The following SLCO6A1 variants were observed in gnomAD, a reference collection of about 807,000 sequenced individuals.
The protein encoded by SLCO6A1 is solute carrier organic anion transporter family member 6A1, also known as cancer/testis antigen 48.
SLCO6A1 carries 65 observed loss-of-function variants against 72.7 expected under a neutral mutation model. That is an observed-to-expected ratio of 0.89 (90% CI 0.73 to 1.10). The LOEUF is 1.10. Ranked by LOEUF, SLCO6A1 falls within the 50% of genes least tolerant of loss-of-function variation. SLCO6A1 has a pLI of 0.00. For missense variants in SLCO6A1, 874 were observed against 872.6 expected, an observed-to-expected ratio of 1.00 and a Z score of -0.02; for synonymous variants, 314 against 298.2, an observed-to-expected ratio of 1.05 and a Z score of -0.55.
At chr5:102,475,161 A>G (rs917630397) in intron 4 of SLCO6A1, among the ~76,000 whole-genome samples, 1 of 152,140 alleles carries the variant, frequency 6.6e-6, no homozygotes, top group Non-Finnish European at 1.5e-5. Flanking sequence ...CATTATTCAC[A>G]ATAGTAAAGA....
At chr5:102,457,704 G>A (rs1365597891) in intron 6 of SLCO6A1, among the ~76,000 whole-genome samples, 4 of 152,170 alleles carry the variant, frequency 2.6e-5, no homozygotes. Context: ...CGATTCCTCA[G>A]AGATCTAGAA....
intron 9 of SLCO6A1, among the ~76,000 whole-genome samples, chr5:102,406,376 A>G (rs1747666952): frequency 6.6e-6 from 1 of 152,140 alleles, no homozygotes; most frequent in Non-Finnish European, 1.5e-5. Flanking sequence ...GGAGACAAAA[A>G]GGGACATTTT....
In SLCO6A1 at chr5:102,458,444, CA is replaced by C. The variant is rs777416753; in HGVS notation, c.1068del (p.Phe356LeufsTer8). ...KARKRKQLHF[F>X]DSRLKDLKLG... is the part of the protein sequence containing the mutation. Reference sequence around the variant, plus strand: ...AGTTTCAGATCTTTAAGTCTGCTGTCAAAAAAATGAAGCTGTTTACGTTTCC... The same window carrying C: ...AGTTTCAGATCTTTAAGTCTGCTGTCAAAAAATGAAGCTGTTTACGTTTCC... On this transcript the variant is annotated frameshift_variant, in exon 6 of 14. Transcript: ENST00000506729. LOFTEE classifies it high-confidence loss of function. 12 of 1,612,436 alleles carry C rather than the reference CA, an allele frequency of 7.4e-6. No individual in the cohort carries two copies. The East Asian group carries it at 8.9e-5, about 12-fold the overall frequency.
chr5:102,403,364 T>C (rs1747501228), intron 9 of SLCO6A1, among the ~76,000 whole-genome samples: 1 of 152,098 alleles, frequency 6.6e-6, no homozygotes, highest in Non-Finnish European at 1.5e-5. Context: ...CTTTTCATTA[T>C]AAAAATAATT....
At chr5:102,390,773 T>C (rs75345510) in intron 11 of SLCO6A1, among the ~76,000 whole-genome samples, 252 of 152,248 alleles carry the variant, frequency 1.7e-3, no homozygotes, top group African/African-American at 5.7e-3. Flanking sequence ...ATAATATGCA[T>C]ATTTTATTTG....
At chr5:102,372,209 A>G (rs1359190391) in intron 13 of SLCO6A1, 86 bp from the exon 14 acceptor site, 1 of 152,056 alleles carries the variant, frequency 6.6e-6, no homozygotes. Context: ...TGCATGTTGA[A>G]ATAAAATATA....
At chr5:102,398,633 AATAGCAAC>A (rs1484524840) in intron 10 of SLCO6A1, among the ~76,000 whole-genome samples, 1 of 152,190 alleles carries the variant, frequency 6.6e-6, no homozygotes, top group Non-Finnish European at 1.5e-5. Context: ...GTGTACACAG[AATAGCAAC>A]ATTCATGTTA....
At chr5:102,479,992 C>G (rs113200800) in intron 2 of SLCO6A1, among the ~76,000 whole-genome samples, 185 bp downstream of exon 2, 3 of 152,294 alleles carry the variant, frequency 2.0e-5, no homozygotes, top group African/African-American at 7.2e-5. Context: ...TTAACTTCCT[C>G]TGTGATGACA....
chr5:102,387,967 C>T (rs1212356639), intron 12 of SLCO6A1, among the ~76,000 whole-genome samples: 2 of 152,146 alleles, frequency 1.3e-5, no homozygotes, highest in African/African-American at 4.8e-5. Context: ...TCTCAAGTCC[C>T]TATATCTCTT....
intron 6 of SLCO6A1, among the ~76,000 whole-genome samples, chr5:102,455,027 T>TATATATATATATATATATATACACATAA (rs144619414): frequency 3.5e-5 from 5 of 141,830 alleles, no homozygotes; most frequent in African/African-American, 1.4e-4. Context: ...TATATATATA[T>TATATATATATATATATATATACACATAA]AAATTATGTT....
chr5:102,430,738 A>G (rs1337033855), intron 7 of SLCO6A1, among the ~76,000 whole-genome samples: 1 of 152,052 alleles, frequency 6.6e-6, no homozygotes, highest in Non-Finnish European at 1.5e-5. Flanking sequence ...TCCATCAAGG[A>G]TATTGGCCTG....
At chr5:102,378,372 A>C (rs1024292080) in intron 12 of SLCO6A1, among the ~76,000 whole-genome samples, 1 of 152,114 alleles carries the variant, frequency 6.6e-6, no homozygotes, top group African/African-American at 2.4e-5. Context: ...AGCTCAAGCT[A>C]TCTGCCCAAC....
chr5:102,479,459 A>G (rs1554075911), intron 2 of SLCO6A1, among the ~76,000 whole-genome samples: 1 of 152,070 alleles, frequency 6.6e-6, no homozygotes, highest in Non-Finnish European at 1.5e-5. Flanking sequence ...ATAACTACAA[A>G]CCTTTCCTAA....
chr5:102,449,691 T>A (rs770210191), intron 6 of SLCO6A1, among the ~76,000 whole-genome samples: 22 of 152,158 alleles, frequency 1.4e-4, no homozygotes, highest in Non-Finnish European at 1.8e-4. Context: ...GATTTTTGTA[T>A]TGACCTCTCT....
intron 8 of SLCO6A1, 85 bp downstream of exon 8, chr5:102,419,741 G>GAAATTTAAACTGTACTTTATATTTCTT: frequency 9.5e-7 from 1 of 1,048,550 alleles, no homozygotes; most frequent in Non-Finnish European, 1.4e-6. Context: ...ACATATAAGG[G>GAAATTTAAACTGTACTTTATATTTCTT]TTACTGGATA....
chr5:102,464,112 T>TG lies in SLCO6A1; in HGVS notation c.900-4336dup, dbSNP rs1751193206. Among the ~76,000 whole-genome samples, 4 of 151,784 alleles carry TG rather than the reference T, an allele frequency of 2.6e-5. No homozygotes were observed. In the South Asian group the frequency reaches 8.3e-4, roughly 32 times the overall value. On this transcript the variant is annotated intron_variant, in intron 4 of 13. Coordinates refer to ENST00000506729, the MANE Select transcript of SLCO6A1 (RefSeq NM_173488.5). ...CAGTGTACACTTCTCAGGTGGTGGG[T>TG]GCACCAAAATCTCAGAAATAACCAC... is the stretch of plus-strand genomic sequence containing the variant.
chr5:102,408,406 G>C (rs1173953655), intron 9 of SLCO6A1, among the ~76,000 whole-genome samples: 1 of 152,030 alleles, frequency 6.6e-6, no homozygotes, highest in African/African-American at 2.4e-5. Context: ...AGGTTAAATA[G>C]CTAAGAATTT....
rs554505172 is a variant in SLCO6A1 at position 102,458,628 on chromosome 5, A to G, written c.1022-137T>C. 826 of 594,996 alleles carry G rather than the reference A, an allele frequency of 1.4e-3. 14 individuals carry two copies. In the South Asian group the frequency reaches 0.018, roughly 13 times the overall value. The allele number at this position is 594,996 out of a possible 1,614,324, so 36.9% of individuals were successfully genotyped here. A position where few individuals can be genotyped will look rare whatever the true frequency, so the allele number is the denominator to read the frequency against. On this transcript the variant is annotated intron_variant, in intron 5 of 13. Coordinates refer to ENST00000506729, the MANE Select transcript of SLCO6A1 (RefSeq NM_173488.5). ...GTTATTTTTGAACAAGCTAAACTCA[A>G]TCTCATTAATTAAAAGACACAATCT...
intron 12 of SLCO6A1, among the ~76,000 whole-genome samples, chr5:102,376,589 C>A: frequency 6.6e-6 from 1 of 151,946 alleles, no homozygotes; most frequent in Non-Finnish European, 1.5e-5. Flanking sequence ...ATTAACCAAC[C>A]TACAAATTTT....
Sources: gnomAD v4.1 joint callset for allele counts (sites outside exome capture counted in the v4.1 genomes callset) on GRCh38, gnomAD v4.1.1 for gene constraint, MANE v1.5 for transcripts, NCBI Gene and HGNC (gene_info 2026-07-23, HGNC 2026-07-21) for gene names.